SLC30A9: variants seen among roughly 807,000 people sequenced by gnomAD.
SLC30A9 encodes proton-coupled zinc antiporter SLC30A9, mitochondrial.
SLC30A9 carries 58 observed loss-of-function variants against 87.5 expected under a neutral mutation model. The observed-to-expected ratio is 0.66, with a 90% confidence interval of 0.54 to 0.82. The LOEUF (loss-of-function observed/expected upper bound fraction) is 0.82. Ranked by LOEUF, SLC30A9 falls within the 40% of genes least tolerant of loss-of-function variation. SLC30A9 has a pLI of 0.00. For missense variants in SLC30A9, 557 were observed against 679.1 expected, an observed-to-expected ratio of 0.82 and a Z score of 2.00; for synonymous variants, 234 against 233.0, an observed-to-expected ratio of 1.00 and a Z score of -0.04.
intron 15 of SLC30A9, among the ~76,000 whole-genome samples, chr4:42,073,881 G>A (rs1007953063): frequency 2.6e-5 from 4 of 152,302 alleles, no homozygotes; most frequent in South Asian, 2.1e-4. Flanking sequence ...AAGGGCTTGC[G>A]TATAGGTGGC....
intron 14 of SLC30A9, among the ~76,000 whole-genome samples, chr4:42,069,752 A>G (rs1718232973): frequency 6.6e-6 from 1 of 152,224 alleles, no homozygotes; most frequent in Non-Finnish European, 1.5e-5. Context: ...TAGATGATAA[A>G]TCAGCCTTTC....
intron 7 of SLC30A9, 87 bp from the exon 8 acceptor site, chr4:42,038,899 A>C (rs1716799830): frequency 3.9e-6 from 3 of 769,966 alleles, no homozygotes; most frequent in Non-Finnish European, 6.7e-6. Flanking sequence ...TGATAGAGGA[A>C]AATGTTCTGG....
intron 9 of SLC30A9, among the ~76,000 whole-genome samples, chr4:42,057,503 G>A (rs114287627): frequency 2.0e-3 from 298 of 152,310 alleles, no homozygotes; most frequent in African/African-American, 6.9e-3. Context: ...AATCACAGCT[G>A]GAGCAGCTGG....
intron 8 of SLC30A9, among the ~76,000 whole-genome samples, chr4:42,043,798 A>T (rs1489178437): frequency 6.6e-6 from 1 of 152,226 alleles, no homozygotes; most frequent in Non-Finnish European, 1.5e-5. Flanking sequence ...TGAAGGAAAA[A>T]ATGTTAAGGG....
intron 9 of SLC30A9, among the ~76,000 whole-genome samples, chr4:42,055,354 C>T (rs906380118): frequency 6.6e-6 from 1 of 151,524 alleles, no homozygotes; most frequent in African/African-American, 2.4e-5. Flanking sequence ...TAAATTAGAC[C>T]TGTGTCTCTA....
intron 15 of SLC30A9, among the ~76,000 whole-genome samples, chr4:42,074,495 G>T (rs865975780): frequency 5.3e-5 from 8 of 152,158 alleles, no homozygotes; most frequent in Middle Eastern, 3.2e-3. Context: ...AGAGCAGGAG[G>T]GGTGAAAAGT....
intron 8 of SLC30A9, among the ~76,000 whole-genome samples, chr4:42,047,684 A>T (rs1453906132): frequency 1.3e-5 from 2 of 152,188 alleles, no homozygotes; most frequent in East Asian, 3.8e-4. Flanking sequence ...TTCCTCCAGG[A>T]TCTAGAACCG....
chr4:42,039,798 ATTG>A (rs1368589300), intron 8 of SLC30A9, among the ~76,000 whole-genome samples: 1 of 151,440 alleles, frequency 6.6e-6, no homozygotes, highest in Admixed American at 6.6e-5. Flanking sequence ...CTTGATTCCT[ATTG>A]TTTTGTTCAC....
intron 9 of SLC30A9, among the ~76,000 whole-genome samples, chr4:42,056,735 A>T (rs1185856437): frequency 6.6e-6 from 1 of 152,220 alleles, no homozygotes; most frequent in South Asian, 2.1e-4. Context: ...CCAAGGTGTC[A>T]TCTAAGACAA....
intron 6 of SLC30A9, among the ~76,000 whole-genome samples, chr4:42,033,776 C>T (rs1716553912): frequency 6.6e-6 from 1 of 152,110 alleles, no homozygotes; most frequent in African/African-American, 2.4e-5. Context: ...GGGGTTTCAC[C>T]ATGTTAGCCA....
intron 6 of SLC30A9, chr4:42,029,637 A>G: frequency 1.5e-6 from 1 of 652,060 alleles, no homozygotes; most frequent in Non-Finnish European, 2.7e-6. Flanking sequence ...ACTTTAATCA[A>G]GAATGAGGTG....
chr4:41,995,084 C>T (rs1196410597), intron 1 of SLC30A9, among the ~76,000 whole-genome samples: 2 of 151,758 alleles, frequency 1.3e-5, no homozygotes, highest in South Asian at 2.1e-4. Flanking sequence ...ATGGCAAAAA[C>T]CTGTCTCTAC....
At chr4:42,046,525 G>A (rs552167150) in intron 8 of SLC30A9, among the ~76,000 whole-genome samples, 79 of 152,174 alleles carry the variant, frequency 5.2e-4, no homozygotes, top group African/African-American at 1.8e-3. Flanking sequence ...AACTTACAAG[G>A]GATGTGAAGG....
In SLC30A9 at chr4:42,089,763, A is replaced by T. The variant is rs1428167750; in HGVS notation, c.*3637A>T. On this transcript the variant is annotated 3_prime_UTR_variant, in exon 18 of 18. Coordinates refer to ENST00000264451, the MANE Select transcript of SLC30A9 (RefSeq NM_006345.4). ...CTGGGGGCCTATAGTATCCAACTCCAAAGAGGTAAGTTCCTGAACATACAC... is the reference window on the plus strand; with the variant it reads ...CTGGGGGCCTATAGTATCCAACTCCTAAGAGGTAAGTTCCTGAACATACAC... The T allele has an allele frequency of 6.6e-6, 1 of 152,180 alleles. No homozygotes were observed. 9.4% of individuals were successfully genotyped at this position (152,180 alleles called of 1,614,324 possible).
intron 16 of SLC30A9, among the ~76,000 whole-genome samples, chr4:42,076,605 T>C (rs10050071): frequency 0.65 from 99,255 of 152,026 alleles, 36,906 homozygotes; most frequent in East Asian, 0.96. Flanking sequence ...GAGCATTTCA[T>C]CCTATGAATA....
intron 6 of SLC30A9, among the ~76,000 whole-genome samples, chr4:42,028,836 A>G (rs537288021): frequency 8.5e-5 from 13 of 152,332 alleles, no homozygotes; most frequent in African/African-American, 2.9e-4. Context: ...CTGAATAAGA[A>G]GACCCACCTG....
At position 42,063,067 on chromosome 4, in the gene SLC30A9, G is replaced by T. The variant is rs1326057142; in HGVS notation, c.978G>T (p.Trp326Cys). 6.2e-7 allele frequency: 1 copy of T among 1,613,238 alleles called. No individual in the cohort carries two copies. The highest frequency in any genetic ancestry group is 1.3e-5 in the African/African-American group (1 of 74,882). Reference sequence around the variant, plus strand: ...TCATGATGGGTGCAGGACTATCTTGGTACCATGGAGTCATGGGATTGCTTC... The same window carrying T: ...TCATGATGGGTGCAGGACTATCTTGTTACCATGGAGTCATGGGATTGCTTC... ...GIFMMGAGLS[W>C]YHGVMGLLHP... is the part of the protein sequence containing the mutation. The change falls in exon 11 of 18, where the codon TGG becomes TGT. Residue 326 changes from tryptophan (W) to cysteine (C), a missense_variant. Transcript: ENST00000264451.
intron 8 of SLC30A9, among the ~76,000 whole-genome samples, chr4:42,045,969 C>T (rs1339487205): frequency 6.6e-6 from 1 of 152,168 alleles, no homozygotes; most frequent in Non-Finnish European, 1.5e-5. Flanking sequence ...ATAAACAGAA[C>T]CAATACAAAA....
At chr4:42,004,412 T>C (rs1042112525) in intron 2 of SLC30A9, among the ~76,000 whole-genome samples, 1 of 152,202 alleles carries the variant, frequency 6.6e-6, no homozygotes, top group Non-Finnish European at 1.5e-5. Flanking sequence ...ATATATTACA[T>C]CTTCCCATTT....
Sources: allele counts gnomAD v4.1 joint callset (sites outside exome capture counted in the v4.1 genomes callset), GRCh38; gene constraint gnomAD v4.1.1; transcripts MANE v1.5; gene names NCBI Gene and HGNC (gene_info 2026-07-23, HGNC 2026-07-21).